The following NAV2 variants were observed in gnomAD, a reference collection of about 807,000 sequenced individuals.
The protein encoded by NAV2 is neuron navigator 2.
A neutral mutation model predicts 223.2 loss-of-function variants in NAV2; 54 were observed. The observed-to-expected ratio is 0.24, with a 90% CI of 0.19 to 0.30. NAV2 has a LOEUF of 0.30. NAV2 is among the 10% of genes least tolerant of loss of function. NAV2 has a pLI of 1.00. For missense variants in NAV2, 2,806 were observed against 3,147.5 expected, an observed-to-expected ratio of 0.89 and a Z score of 2.60; for synonymous variants, 1,279 against 1,239.3, an observed-to-expected ratio of 1.03 and a Z score of -0.67.
chr11:19,704,571 T>C (rs2049602522), intron 1 of NAV2, among the ~76,000 whole-genome samples: 1 of 152,192 alleles, frequency 6.6e-6, no homozygotes, highest in East Asian at 1.9e-4. Context: ...ATCTACCTCA[T>C]GAAATTGTTG....
At chr11:20,005,161 A>G (rs2052919636) in intron 11 of NAV2, among the ~76,000 whole-genome samples, 1 of 152,044 alleles carries the variant, frequency 6.6e-6, no homozygotes, top group African/African-American at 2.4e-5. Context: ...AGGCCTGAGA[A>G]GAAACTGCCA....
intron 11 of NAV2, chr11:20,022,982 G>T: frequency 1.4e-6 from 2 of 1,431,262 alleles, no homozygotes; most frequent in Non-Finnish European, 1.9e-6. Flanking sequence ...TAGTTACAGA[G>T]TTGCTGGGTG....
intron 37 of NAV2, among the ~76,000 whole-genome samples, chr11:20,115,209 G>A (rs927121307): frequency 1.3e-5 from 2 of 152,138 alleles, no homozygotes; most frequent in Admixed American, 6.5e-5. Context: ...AACAGGGAGA[G>A]GTCTGAGGGC....
chr11:19,843,030 G>C (rs1402614172), intron 3 of NAV2, 107 bp downstream of exon 3: 3 of 872,242 alleles, frequency 3.4e-6, no homozygotes, highest in Non-Finnish European at 5.6e-6. Flanking sequence ...TACTCCAGGG[G>C]ATTATATTAA....
At chr11:19,902,077 A>G (rs535664245) in intron 6 of NAV2, among the ~76,000 whole-genome samples, 196 of 152,268 alleles carry the variant, frequency 1.3e-3, no homozygotes, top group Non-Finnish European at 2.5e-3. Flanking sequence ...GGAGGAGAGC[A>G]CTGTCCTGTT....
intron 1 of NAV2, among the ~76,000 whole-genome samples, chr11:19,524,221 G>A (rs1183436347): frequency 2.6e-5 from 4 of 152,198 alleles, no homozygotes; most frequent in Non-Finnish European, 2.9e-5. Flanking sequence ...ATGGATGACT[G>A]GAGGAATGAG....
chr11:19,538,152 A>G (rs555134495), intron 1 of NAV2, among the ~76,000 whole-genome samples: 246 of 152,244 alleles, frequency 1.6e-3, no homozygotes, highest in Non-Finnish European at 2.8e-3. Flanking sequence ...TCTGGTTCCT[A>G]TATCTTCAAA....
chr11:20,103,620 T>A, intron 33 of NAV2, 33 bp from the exon 34 acceptor site: 1 of 1,610,816 alleles, frequency 6.2e-7, no homozygotes, highest in East Asian at 2.2e-5. Flanking sequence ...TGGCTTGGAA[T>A]CACAGCTTTC....
rs565334035 is a variant in NAV2, at chr11:19,619,342, T to C, written c.76-213142T>C. Among the ~76,000 whole-genome samples, 72 of 152,284 alleles carry C rather than the reference T, an allele frequency of 4.7e-4. 1 individual carries two copies. Among genetic ancestry groups the C allele is most frequent in the Middle Eastern group, 6.8e-3 (2 of 294 alleles). Reference sequence around the variant, plus strand: ...TCCTTGAGGAATCACCACACTGACTTCCACAATGGTTGAACTAGTTTACAG... The same window carrying C: ...TCCTTGAGGAATCACCACACTGACTCCCACAATGGTTGAACTAGTTTACAG... On this transcript the variant is annotated intron_variant, in intron 1 of 37. Coordinates refer to the NAV2 transcript ENST00000360655.
intron 1 of NAV2, among the ~76,000 whole-genome samples, chr11:19,549,175 A>G (rs2044607782): frequency 6.6e-6 from 1 of 152,208 alleles, no homozygotes; most frequent in African/African-American, 2.4e-5. Flanking sequence ...AGCTGAAGCC[A>G]AGTGTCCACA....
intron 1 of NAV2, among the ~76,000 whole-genome samples, chr11:19,606,046 A>G (rs1429458618): frequency 6.6e-6 from 1 of 152,200 alleles, no homozygotes; most frequent in East Asian, 1.9e-4. Flanking sequence ...TTTGAACTAT[A>G]TAATTTTATC....
intron 7 of NAV2, among the ~76,000 whole-genome samples, chr11:19,936,284 T>A (rs1031371686): frequency 2.2e-4 from 33 of 152,186 alleles, no homozygotes; most frequent in Non-Finnish European, 7.4e-5. Flanking sequence ...AGCTTCTCAA[T>A]TTGCATTTTC....
intron 1 of NAV2, among the ~76,000 whole-genome samples, chr11:19,514,133 C>T (rs1248099393): frequency 6.6e-6 from 1 of 152,184 alleles, no homozygotes; most frequent in African/African-American, 2.4e-5. Context: ...CTAAGATTTG[C>T]ACCAAAGTTG....
intron 1 of NAV2, among the ~76,000 whole-genome samples, chr11:19,830,099 C>T (rs2059849262): frequency 6.6e-6 from 1 of 152,098 alleles, no homozygotes; most frequent in South Asian, 2.1e-4. Context: ...GTGGCATGCA[C>T]CTGTAATCCC....
chr11:19,509,616 G>A (rs957858757), intron 1 of NAV2, among the ~76,000 whole-genome samples: 1 of 152,194 alleles, frequency 6.6e-6, no homozygotes, highest in African/African-American at 2.4e-5. Context: ...GTGAGAGCAG[G>A]CACTGCGATA....
intron 5 of NAV2, among the ~76,000 whole-genome samples, chr11:19,891,928 T>C (rs1176759315): frequency 1.3e-5 from 2 of 152,140 alleles, no homozygotes; most frequent in African/African-American, 4.8e-5. Context: ...AAAATACTTA[T>C]CCCAGAGGGA....
chr11:20,090,310 G>T (rs1293703976), intron 26 of NAV2, among the ~76,000 whole-genome samples: 2 of 152,114 alleles, frequency 1.3e-5, no homozygotes, highest in Admixed American at 1.3e-4. Flanking sequence ...TACACATGGT[G>T]GGGGAGGGGG....
chr11:19,348,283 G>T (rs1853109908), upstream of NAV2, among the ~76,000 whole-genome samples: 1 of 152,190 alleles, frequency 6.6e-6, no homozygotes, highest in Non-Finnish European at 1.5e-5. Context: ...CAGCCCCGAT[G>T]GAGAAGGCCT....
At chr11:19,476,322 C>T (rs1590282857) in intron 1 of NAV2, among the ~76,000 whole-genome samples, 1 of 152,146 alleles carries the variant, frequency 6.6e-6, no homozygotes, top group African/African-American at 2.4e-5. Context: ...TCTCTAAACC[C>T]CCAACATTAT....
Sources: gnomAD v4.1 joint callset for allele counts (sites outside exome capture counted in the v4.1 genomes callset) on GRCh38, gnomAD v4.1.1 for gene constraint, MANE v1.5 for transcripts, NCBI Gene and HGNC (gene_info 2026-07-23, HGNC 2026-07-21) for gene names.